Variants in NUBPL observed in about 807,000 individuals in gnomAD.
NUBPL encodes iron-sulfur cluster transfer protein NUBPL.
A neutral mutation model predicts 45.7 loss-of-function variants in NUBPL; 31 were observed. The ratio of observed to expected loss-of-function variants is 0.68; its 90% CI spans 0.51 to 0.92. The LOEUF is 0.92. Among genes scored for constraint, NUBPL ranks in the 40% least tolerant of loss-of-function variants. NUBPL has a pLI of 0.00. For synonymous variants in NUBPL, 144 were observed against 140.9 expected, an observed-to-expected ratio of 1.02 and a Z score of -0.15; for missense variants, 401 against 398.7, an observed-to-expected ratio of 1.01 and a Z score of -0.05.
chr14:31,624,317 A>T (rs1227715918), intron 4 of NUBPL, among the ~76,000 whole-genome samples: 2 of 152,182 alleles, frequency 1.3e-5, no homozygotes, highest in African/African-American at 4.8e-5. Context: ...ACATTTAAGA[A>T]ATGTATTCTT....
intron 6 of NUBPL, among the ~76,000 whole-genome samples, chr14:31,766,420 T>G (rs1261758002): frequency 6.6e-6 from 1 of 152,174 alleles, no homozygotes; most frequent in Non-Finnish European, 1.5e-5. Context: ...TGCTTTTACT[T>G]GAACCCCCAG....
At chr14:31,623,718 C>G (rs566853665) in intron 4 of NUBPL, among the ~76,000 whole-genome samples, 2 of 152,272 alleles carry the variant, frequency 1.3e-5, no homozygotes, top group Non-Finnish European at 2.9e-5. Context: ...ATTACCCAGT[C>G]TTAGGTAGTT....
At chr14:31,608,134 A>G (rs947825976) in intron 4 of NUBPL, among the ~76,000 whole-genome samples, 3 of 152,240 alleles carry the variant, frequency 2.0e-5, no homozygotes, top group African/African-American at 7.2e-5. Flanking sequence ...AAAATAGTAT[A>G]TCTGGTGAAA....
intron 4 of NUBPL, among the ~76,000 whole-genome samples, chr14:31,630,290 C>T (rs898466454): frequency 1.2e-4 from 19 of 152,162 alleles, no homozygotes. Flanking sequence ...TTGACTTAAA[C>T]TCTCAAAGCC....
At chr14:31,706,199 G>A (rs973599371) in intron 6 of NUBPL, among the ~76,000 whole-genome samples, 12 of 152,132 alleles carry the variant, frequency 7.9e-5, no homozygotes, top group Admixed American at 5.2e-4. Context: ...GAATTTGGCC[G>A]ATGACCACTC....
chr14:31,809,899 T>A (rs1252698634), intron 7 of NUBPL, among the ~76,000 whole-genome samples: 1 of 152,230 alleles, frequency 6.6e-6, no homozygotes, highest in Non-Finnish European at 1.5e-5. Flanking sequence ...AGGAGCAGGT[T>A]GTTAAGTTTC....
At chr14:31,568,699 G>A (rs1337250441) in intron 3 of NUBPL, among the ~76,000 whole-genome samples, 5 of 152,180 alleles carry the variant, frequency 3.3e-5, no homozygotes, top group Admixed American at 1.3e-4. Context: ...ATAGAATGAT[G>A]TCTTTTGTTT....
intron 7 of NUBPL, among the ~76,000 whole-genome samples, chr14:31,815,041 A>T (rs963959727): frequency 1.3e-5 from 2 of 152,210 alleles, no homozygotes; most frequent in Non-Finnish European, 2.9e-5. Context: ...ATTCCGTATG[A>T]AACTTAAAGT....
chr14:31,834,392 G>A (rs1472834171), intron 8 of NUBPL, among the ~76,000 whole-genome samples: 3 of 152,008 alleles, frequency 2.0e-5, no homozygotes, highest in Admixed American at 6.6e-5. Flanking sequence ...TGTTAGCCAG[G>A]ATGGTCTCGA....
intron 4 of NUBPL, among the ~76,000 whole-genome samples, chr14:31,604,530 C>T (rs995773813): frequency 2.6e-5 from 4 of 152,204 alleles, no homozygotes; most frequent in Non-Finnish European, 5.9e-5. Context: ...AGGTGTTCCT[C>T]TGTTCTGGGA....
intron 4 of NUBPL, among the ~76,000 whole-genome samples, chr14:31,667,195 G>A (rs144701167): frequency 5.1e-4 from 77 of 152,174 alleles, no homozygotes; most frequent in Non-Finnish European, 7.8e-4. Context: ...CCAATCAATC[G>A]TAGGTTTGGT....
chr14:31,632,253 T>C (rs1178485132), intron 4 of NUBPL, among the ~76,000 whole-genome samples: 3 of 151,918 alleles, frequency 2.0e-5, no homozygotes, highest in Non-Finnish European at 4.4e-5. Context: ...ACCTGAAGAG[T>C]TGGGGGGAAG....
chr14:31,855,848 T>A (rs1328419061), intron 10 of NUBPL, among the ~76,000 whole-genome samples: 1 of 152,206 alleles, frequency 6.6e-6, no homozygotes, highest in Non-Finnish European at 1.5e-5. Context: ...AGCTCATCTC[T>A]TACTAGCTAT....
At chr14:31,666,265 T>TATTTATTA (rs1566487244) in intron 4 of NUBPL, among the ~76,000 whole-genome samples, 2 of 28,902 alleles carry the variant, frequency 6.9e-5, no homozygotes, top group African/African-American at 1.6e-4. Flanking sequence ...ATATATATAA[T>TATTTATTA]TTTATTTTAT....
intron 6 of NUBPL, among the ~76,000 whole-genome samples, chr14:31,770,216 A>G (rs1217381835): frequency 6.6e-6 from 1 of 152,242 alleles, no homozygotes; most frequent in African/African-American, 2.4e-5. Flanking sequence ...TAATACACGT[A>G]GAGCTGGCTA....
chr14:31,583,854 G>C (rs1175446619), intron 3 of NUBPL, among the ~76,000 whole-genome samples: 1 of 152,188 alleles, frequency 6.6e-6, no homozygotes, highest in Non-Finnish European at 1.5e-5. Context: ...TATGGGAGTG[G>C]AGAGGAAGGG....
chr14:31,578,705 T>C (rs754506746), intron 3 of NUBPL, among the ~76,000 whole-genome samples: 1 of 152,246 alleles, frequency 6.6e-6, no homozygotes. Context: ...AAGAAGCTTC[T>C]TCAGAAAGTC....
At chr14:31,726,569 A>C (rs1343047603) in intron 6 of NUBPL, among the ~76,000 whole-genome samples, 1 of 152,220 alleles carries the variant, frequency 6.6e-6, no homozygotes. Flanking sequence ...TCACTAAAAT[A>C]TAAGCTATAT....
intron 4 of NUBPL, among the ~76,000 whole-genome samples, chr14:31,660,232 C>T (rs1222502326): frequency 6.6e-6 from 1 of 152,126 alleles, no homozygotes; most frequent in Non-Finnish European, 1.5e-5. Context: ...TACTTACCTT[C>T]TCTCTTTAAA....
Sources: gnomAD v4.1 joint callset for allele counts (sites outside exome capture counted in the v4.1 genomes callset) on GRCh38, gnomAD v4.1.1 for gene constraint, MANE v1.5 for transcripts, NCBI Gene and HGNC (gene_info 2026-07-23, HGNC 2026-07-21) for gene names.